The following ALOX15B variants were observed in gnomAD, a reference collection of about 807,000 sequenced individuals.
The protein encoded by ALOX15B is polyunsaturated fatty acid lipoxygenase ALOX15B.
In ALOX15B, 74 loss-of-function variants were observed where a neutral mutation model predicts 73.8. The ratio of observed to expected loss-of-function variants is 1.00; its 90% CI spans 0.83 to 1.22. ALOX15B has a LOEUF of 1.22. Among genes scored for constraint, ALOX15B ranks in the 50% most tolerant of loss-of-function variants. The pLI, the probability that ALOX15B is intolerant of heterozygous loss-of-function variation, is 0.00. For synonymous variants in ALOX15B, 353 were observed against 357.2 expected (o/e 0.99, Z 0.13); for missense variants, 896 against 859.9 (o/e 1.04, Z -0.52).
At position 8,045,383 on chromosome 17, in the gene ALOX15B, A is replaced by G. The variant is rs767207531; in HGVS notation, c.995A>G (p.Gln332Arg). 5 of 1,614,002 alleles carry G rather than the reference A, an allele frequency of 3.1e-6. No homozygotes were observed. The highest frequency in any genetic ancestry group is 1.7e-6 in the Non-Finnish European group (2 of 1,180,020). Residue 332 changes from glutamine (Q) to arginine (R), a missense_variant and splice_region_variant, in exon 7 of 14, where the codon CAG (glutamine) becomes CGG (arginine). Physicochemically the swap from Gln to Arg is conservative, Grantham distance 43. Transcript: ENST00000380183. ...GCGPLLPLAI[Q>R]LSQTPGPNSP... ...GGGCCGCTGCTGCCTCTCGCCATCC[A>G]GGTATGCAGTCAGGCAGGGGCAGGG...
chr17:8,042,297 G>A (rs1976483388), intron 3 of ALOX15B, 72 bp from the exon 4 acceptor site: 2 of 1,573,392 alleles, frequency 1.3e-6, no homozygotes, highest in Admixed American at 3.5e-5. Context: ...CAAGGGGACT[G>A]CCACTCCATC....
rs1976686603 is a variant in ALOX15B, at chr17:8,048,887, T to C, written c.*322T>C. ...GGTTTTGTTTTGCGTTTTACAGCCG[T>C]GGGGGGAAGCACATAATCCCGCCCC... On this transcript the variant is annotated 3_prime_UTR_variant, in exon 14 of 14. Coordinates refer to ENST00000380183, the MANE Select transcript of ALOX15B (RefSeq NM_001141.3). The C allele has an allele frequency of 4.6e-6, 1 of 219,192 alleles. No individual in the cohort carries two copies. Among genetic ancestry groups the C allele is most frequent in the Admixed American group, 5.3e-5 (1 of 19,002 alleles). The allele number at this position is 219,192 out of a possible 1,614,324, so 13.6% of individuals were successfully genotyped here. A position where few individuals can be genotyped will look rare whatever the true frequency, so the allele number is the denominator to read the frequency against.
Position 8,039,406 on chromosome 17 carries a change from G to C in ALOX15B, c.168G>C (p.Thr56=), listed in dbSNP as rs749916428. 12 of 1,612,890 alleles carry C rather than the reference G, an allele frequency of 7.4e-6. No individual in the cohort carries two copies. The highest frequency in any genetic ancestry group is 1.7e-4 in the Middle Eastern group (1 of 6,054). The change falls in exon 2 of 14, where the codon ACG becomes ACC. Residue 56 remains threonine (T), a synonymous_variant. Coordinates refer to ENST00000380183, the MANE Select transcript of ALOX15B (RefSeq NM_001141.3). ...TAGAEEDFQV[T]LPEDVGRVLL... is the part of the protein sequence containing the mutation. ...CTCAGGAGGAGGACTTCCAGGTGACGCTCCCGGAGGACGTAGGCCGAGTGC... is the reference window on the plus strand; with the variant it reads ...CTCAGGAGGAGGACTTCCAGGTGACCCTCCCGGAGGACGTAGGCCGAGTGC...
chr17:8,042,730 G>C, intron 4 of ALOX15B, 51 bp from the exon 5 acceptor site: 1 of 1,495,152 alleles, frequency 6.7e-7, no homozygotes. Context: ...TGACAGGGAA[G>C]GGTCTCCCAG....
At chr17:8,042,964 A>T in intron 5 of ALOX15B, 80 bp downstream of exon 5, 1 of 1,215,852 alleles carries the variant, frequency 8.2e-7, no homozygotes, top group Non-Finnish European at 1.2e-6. Context: ...CAGAAAACCA[A>T]GCACCAATTT....
chr17:8,047,363 A>G lies in ALOX15B; in HGVS notation c.1563A>G (p.Leu521=). 1 of 1,613,998 alleles carries G rather than the reference A, an allele frequency of 6.2e-7. No homozygotes were observed. The highest frequency in any genetic ancestry group is 8.5e-7 in the Non-Finnish European group (1 of 1,179,964). Residue 521 remains leucine, a synonymous_variant, in exon 11 of 14, where the codon CTA becomes CTG. Coordinates refer to ENST00000380183, the MANE Select transcript of ALOX15B (RefSeq NM_001141.3). ...WVREIFSKGF[L]NQESSGIPSS... ...GAGAGATCTTCTCCAAGGGCTTCCT[A>G]AACCAGGAGAGCTCAGGTACAGGGA... is the stretch of plus-strand genomic sequence containing the variant.
chr17:8,041,285 A>G (rs543197777), intron 3 of ALOX15B, among the ~76,000 whole-genome samples: 49 of 152,328 alleles, frequency 3.2e-4, no homozygotes, highest in African/African-American at 1.2e-3. Context: ...TAAGAATACC[A>G]ATCTCGTTTG....
At chr17:8,046,537 T>C (rs1976611476) in intron 8 of ALOX15B, 131 bp from the exon 9 acceptor site, 1 of 903,320 alleles carries the variant, frequency 1.1e-6, no homozygotes, top group Non-Finnish European at 1.7e-6. Context: ...CAGACCCCTG[T>C]CCCAGGCTGC....
chr17:8,041,663 G>T (rs1976466622), intron 3 of ALOX15B, among the ~76,000 whole-genome samples: 1 of 152,248 alleles, frequency 6.6e-6, no homozygotes, highest in South Asian at 2.1e-4. Context: ...AGCATGACTG[G>T]CTAGGGGTCA....
chr17:8,048,020 C>T lies in ALOX15B; in HGVS notation c.1851+105C>T. The T allele has an allele frequency of 5.3e-6, 7 of 1,327,736 alleles. No individual in the cohort carries two copies. In the South Asian group the frequency reaches 1.0e-4, roughly 19 times the overall value. The allele number at this position is 1,327,736 out of a possible 1,614,324, so 82.2% of individuals were successfully genotyped here. A position where few individuals can be genotyped will look rare whatever the true frequency, so the allele number is the denominator to read the frequency against. On this transcript the variant is annotated intron_variant, in intron 13 of 13. Coordinates refer to ENST00000380183, the MANE Select transcript of ALOX15B (RefSeq NM_001141.3). The stretch of plus-strand genomic sequence containing the variant: ...AACCCTGCCATCAGGTAGCGGGTCC[C>T]TTTGCCCCACTGACCCTCCAGTGGG...
At chr17:8,041,044 C>T (rs1479685249) in intron 3 of ALOX15B, among the ~76,000 whole-genome samples, 1 of 152,234 alleles carries the variant, frequency 6.6e-6, no homozygotes, top group East Asian at 1.9e-4. Flanking sequence ...GGGATCAGAG[C>T]AGCCACAGGC....
At chr17:8,043,644 G>A (rs1289939707) in intron 5 of ALOX15B, among the ~76,000 whole-genome samples, 1 of 152,176 alleles carries the variant, frequency 6.6e-6, no homozygotes, top group East Asian at 1.9e-4. Context: ...ATGAGGCTCT[G>A]GCTGTGGTCA....
chr17:8,042,855 TCTTCAA>T lies in ALOX15B; in HGVS notation c.652_657del (p.Asn218_Phe219del), dbSNP rs1250547147. On this transcript the variant is annotated inframe_deletion, in exon 5 of 14. Coordinates refer to ENST00000380183, the MANE Select transcript of ALOX15B (RefSeq NM_001141.3). ...AGGAGTCTGAATGAGATGAAAAGGATCTTCAACTTCCGGAGGACCCCAGCAGCTGGT... is the reference window on the plus strand; with the variant it reads ...AGGAGTCTGAATGAGATGAAAAGGATCTTCCGGAGGACCCCAGCAGCTGGT... 9.6e-6 allele frequency: 15 copies of T among 1,554,440 alleles called. No individual in the cohort carries two copies. The African/African-American group carries it at 1.5e-4, about 16-fold the overall frequency.
At position 8,046,152 on chromosome 17, in the gene ALOX15B, C is replaced by G. The variant is rs536835196; in HGVS notation, c.1200+466C>G. On this transcript the variant is annotated intron_variant, in intron 8 of 13. Coordinates refer to ENST00000380183, the MANE Select transcript of ALOX15B (RefSeq NM_001141.3). ...TCTGTGAAGGGCAGGATGGCCCCCT[C>G]CCAGGGTCCACCCACAGTCGCTGCT... 2.0e-5 allele frequency among the ~76,000 whole-genome samples: 3 copies of G among 152,338 alleles called. No individual in the cohort carries two copies. In the South Asian group the frequency reaches 6.2e-4, roughly 32 times the overall value.
Position 8,039,317 on chromosome 17 carries a change from G to A in ALOX15B, c.147+15G>A, listed in dbSNP as rs760343955. The A allele has an allele frequency of 6.3e-7, 1 of 1,586,302 alleles. No individual in the cohort carries two copies. Among genetic ancestry groups the A allele is most frequent in the Non-Finnish European group, 8.6e-7 (1 of 1,163,994 alleles). ...CTGCGGGCGCTGTGAGTGCGTGGGA[G>A]TGGATGGGGTGGAGGTGAAGGGGGC... On this transcript the variant is annotated intron_variant, in intron 1 of 13. Transcript: ENST00000380183.
At chr17:8,044,759 C>A in intron 5 of ALOX15B, 70 bp from the exon 6 acceptor site, 1 of 1,023,122 alleles carries the variant, frequency 9.8e-7, no homozygotes, top group Non-Finnish European at 1.4e-6. Flanking sequence ...TAACCCCGTC[C>A]CCGTGTCCCC....
chr17:8,040,104 G>A (rs1976397174), intron 3 of ALOX15B, 121 bp downstream of exon 3: 1 of 902,150 alleles, frequency 1.1e-6, no homozygotes, highest in South Asian at 1.7e-5. Context: ...AGCTGCTCCT[G>A]GGATCAGCAG....
chr17:8,040,591 A>AAG (rs1567969481), intron 3 of ALOX15B, among the ~76,000 whole-genome samples: 2 of 121,006 alleles, frequency 1.7e-5, no homozygotes, highest in African/African-American at 6.9e-5. Flanking sequence ...GAAAGAGAGA[A>AAG]AGAAAGAGAG....
intron 4 of ALOX15B, 85 bp from the exon 5 acceptor site, chr17:8,042,696 G>T: frequency 7.2e-7 from 1 of 1,397,268 alleles, no homozygotes; most frequent in Non-Finnish European, 9.8e-7. Context: ...GCTGGTTCAG[G>T]ATCCCAAGAG....
Sources: allele counts gnomAD v4.1 joint callset (sites outside exome capture counted in the v4.1 genomes callset), GRCh38; gene constraint gnomAD v4.1.1; transcripts MANE v1.5; gene names NCBI Gene and HGNC (gene_info 2026-07-23, HGNC 2026-07-21).